ERBB4: variants seen among roughly 807,000 people sequenced by gnomAD.
ERBB4 encodes the protein erb-b2 receptor tyrosine kinase 4.
ERBB4 carries 42 observed loss-of-function variants against 158.0 expected under a neutral mutation model. The observed-to-expected ratio is 0.27, with a 90% CI of 0.21 to 0.34. The LOEUF (loss-of-function observed/expected upper bound fraction) is 0.34, where lower values mean the gene tolerates loss of function less well. ERBB4 is among the 10% of genes least tolerant of loss of function. The probability of loss-of-function intolerance (pLI) is 1.00; values close to 1 mark genes in which losing one functional copy is unlikely to be tolerated. For synonymous variants in ERBB4, 583 were observed against 558.7 expected (o/e 1.04, Z -0.61); for missense variants, 1,333 against 1,624.1 (o/e 0.82, Z 3.08).
At chr2:211,630,763 C>T (rs1461242559) in intron 16 of ERBB4, among the ~76,000 whole-genome samples, 169 bp from the exon 17 acceptor site, 2 of 152,114 alleles carry the variant, frequency 1.3e-5, no homozygotes, top group Admixed American at 1.3e-4. Flanking sequence ...AAACCTTTCT[C>T]ATGGTAAAAA....
At chr2:212,480,811 A>G (rs1439186071) in intron 1 of ERBB4, among the ~76,000 whole-genome samples, 2 of 152,224 alleles carry the variant, frequency 1.3e-5, no homozygotes, top group African/African-American at 4.8e-5. Flanking sequence ...TTTAAAAGGA[A>G]ATGATTTCAC....
intron 20 of ERBB4, among the ~76,000 whole-genome samples, chr2:211,495,382 G>C (rs1358375556): frequency 2.0e-5 from 3 of 152,006 alleles, no homozygotes; most frequent in African/African-American, 7.2e-5. Context: ...TTCGCCTTTT[G>C]TGTAGAATAA....
intron 2 of ERBB4, among the ~76,000 whole-genome samples, chr2:212,021,026 T>C (rs1001503492): frequency 6.6e-6 from 1 of 152,174 alleles, no homozygotes; most frequent in African/African-American, 2.4e-5. Flanking sequence ...ATACTTTACA[T>C]TGATGAATCT....
At chr2:212,267,346 C>T (rs2085174280) in intron 1 of ERBB4, among the ~76,000 whole-genome samples, 1 of 151,798 alleles carries the variant, frequency 6.6e-6, no homozygotes, top group African/African-American at 2.4e-5. Flanking sequence ...CATACTGATA[C>T]ATAGTGATTG....
chr2:211,861,287 A>T (rs2078041097), intron 3 of ERBB4, among the ~76,000 whole-genome samples: 2 of 136,176 alleles, frequency 1.5e-5, no homozygotes, highest in Non-Finnish European at 3.1e-5. Flanking sequence ...CAGCCTGATG[A>T]GTTGCTGGGA....
At chr2:212,255,297 G>A (rs1051106842) in intron 1 of ERBB4, among the ~76,000 whole-genome samples, 2 of 152,072 alleles carry the variant, frequency 1.3e-5, no homozygotes, top group African/African-American at 4.8e-5. Flanking sequence ...TAAGTGTGCT[G>A]GGGGAAAGAG....
At chr2:211,995,046 A>G (rs2082167676) in intron 2 of ERBB4, among the ~76,000 whole-genome samples, 1 of 152,194 alleles carries the variant, frequency 6.6e-6, no homozygotes, top group African/African-American at 2.4e-5. Context: ...AGCATGCAAC[A>G]TGGAACACAA....
intron 2 of ERBB4, among the ~76,000 whole-genome samples, chr2:211,984,983 C>T (rs1166049318): frequency 2.6e-5 from 4 of 152,120 alleles, no homozygotes; most frequent in African/African-American, 4.8e-5. Context: ...CCACCCACCT[C>T]GGCCCACGGC....
chr2:212,448,127 T>C (rs2092390431), intron 1 of ERBB4, among the ~76,000 whole-genome samples: 1 of 152,134 alleles, frequency 6.6e-6, no homozygotes, highest in Non-Finnish European at 1.5e-5. Flanking sequence ...AACTGTAATC[T>C]CTAAGATAAT....
chr2:212,074,805 G>A (rs2078226030), intron 2 of ERBB4, among the ~76,000 whole-genome samples: 1 of 151,954 alleles, frequency 6.6e-6, no homozygotes, highest in South Asian at 2.1e-4. Flanking sequence ...CAGCTAGTAG[G>A]TCATTGTAAA....
chr2:211,450,261 G>A (rs777389197), intron 20 of ERBB4, among the ~76,000 whole-genome samples: 172 of 152,182 alleles, frequency 1.1e-3, no homozygotes, highest in Non-Finnish European at 4.3e-4. Flanking sequence ...AGTGTGCAAG[G>A]GCAAACCTGC....
At chr2:212,076,680 G>C (rs992595072) in intron 2 of ERBB4, among the ~76,000 whole-genome samples, 1 of 151,940 alleles carries the variant, frequency 6.6e-6, no homozygotes, top group Non-Finnish European at 1.5e-5. Flanking sequence ...AGAGAAAGGA[G>C]TGAGGTCAAG....
chr2:211,592,178 C>T (rs774421710), intron 19 of ERBB4, among the ~76,000 whole-genome samples: 4 of 85,656 alleles, frequency 4.7e-5, no homozygotes, highest in Non-Finnish European at 1.1e-4. Flanking sequence ...TGCTAGACGC[C>T]CGGTAGACGC....
rs1463695875 is a variant in ERBB4 at position 212,263,815 on chromosome 2, TC to T, written c.83-138913del. On this transcript the variant is annotated intron_variant, in intron 1 of 27. Coordinates refer to ENST00000342788, the MANE Select transcript of ERBB4 (RefSeq NM_005235.3). ...TCAACTTTCCATTTTTCCTTTTTTT[TC>T]ATAATTAGATTCTCTCACATTCTCT... 2.6e-5 allele frequency among the ~76,000 whole-genome samples: 4 copies of T among 151,886 alleles called. No homozygotes were observed. The East Asian group carries it at 7.7e-4, about 29-fold the overall frequency.
intron 1 of ERBB4, among the ~76,000 whole-genome samples, chr2:212,205,710 A>G (rs2082725337): frequency 1.3e-5 from 2 of 152,176 alleles, no homozygotes; most frequent in Non-Finnish European, 2.9e-5. Context: ...CATCTTTTAC[A>G]TGTAGGAGGG....
chr2:211,635,494 C>T (rs1282697532), intron 16 of ERBB4, among the ~76,000 whole-genome samples: 1 of 152,056 alleles, frequency 6.6e-6, no homozygotes, highest in Non-Finnish European at 1.5e-5. Context: ...TTGGACCATG[C>T]TATTTCTCTC....
intron 2 of ERBB4, among the ~76,000 whole-genome samples, chr2:211,974,503 T>C (rs1443181405): frequency 2.0e-5 from 3 of 152,186 alleles, no homozygotes; most frequent in African/African-American, 7.2e-5. Flanking sequence ...GGGTAAATTA[T>C]CCAAACCTTC....
intron 3 of ERBB4, among the ~76,000 whole-genome samples, chr2:211,923,069 A>C (rs956606623): frequency 6.6e-6 from 1 of 152,166 alleles, no homozygotes; most frequent in Non-Finnish European, 1.5e-5. Flanking sequence ...ATAGGTGTAC[A>C]TTTGGATTTT....
intron 1 of ERBB4, among the ~76,000 whole-genome samples, chr2:212,349,320 C>CAT (rs950567194): frequency 6.6e-6 from 1 of 150,444 alleles, no homozygotes; most frequent in Non-Finnish European, 1.5e-5. Flanking sequence ...CACACACACA[C>CAT]ACCCTTCAAG....
Sources: gnomAD v4.1 joint callset for allele counts (sites outside exome capture counted in the v4.1 genomes callset) on GRCh38, gnomAD v4.1.1 for gene constraint, MANE v1.5 for transcripts, NCBI Gene and HGNC (gene_info 2026-07-23, HGNC 2026-07-21) for gene names.